The following RUSC2 variants were observed in gnomAD, a reference collection of about 807,000 sequenced individuals.
The protein encoded by RUSC2 is AP-4 complex accessory subunit RUSC2.
A neutral mutation model predicts 122.2 loss-of-function variants in RUSC2; 34 were observed. The ratio of observed to expected loss-of-function variants is 0.28; its 90% CI spans 0.21 to 0.37. The LOEUF is 0.37. Ranked by LOEUF, RUSC2 falls within the 10% of genes least tolerant of loss-of-function variation. The probability of loss-of-function intolerance (pLI) is 1.00; values close to 1 mark genes in which losing one functional copy is unlikely to be tolerated. For synonymous variants in RUSC2, 784 were observed against 790.0 expected (o/e 0.99, Z 0.13); for missense variants, 1,747 against 1,952.4 (o/e 0.89, Z 1.98).
At position 35,560,136 on chromosome 9, in the gene RUSC2, C is replaced by T. The variant is rs2131705721; in HGVS notation, c.3496C>T (p.Leu1166=). ...LLLLLQPLAL[L]PFSLDLLFQH... ...GCTGCTGCTACAGCCCCTGGCCCTG[C>T]TGCCCTTCAGCCTCGACTTGCTGTT... is the stretch of plus-strand genomic sequence containing the variant. Residue 1166 remains leucine (L), a synonymous_variant, in exon 10 of 12, where the codon CTG becomes TTG. Coordinates refer to ENST00000361226, the MANE Select transcript of RUSC2 (RefSeq NM_014806.5). The T allele has an allele frequency of 1.9e-6, 3 of 1,610,980 alleles. No homozygotes were observed. The East Asian group carries it at 6.7e-5, about 36-fold the overall frequency.
At chr9:35,508,649 C>T (rs1318719404) in intron 1 of RUSC2, among the ~76,000 whole-genome samples, 1 of 152,242 alleles carries the variant, frequency 6.6e-6, no homozygotes, top group Non-Finnish European at 1.5e-5. Context: ...AGTACAAACA[C>T]TGTCATTGCT....
At chr9:35,507,668 C>A in intron 1 of RUSC2, 1 of 231,180 alleles carries the variant, frequency 4.3e-6, no homozygotes, top group South Asian at 6.8e-5. Flanking sequence ...CTCTGTGTGT[C>A]TAGGGAAAGC....
intron 9 of RUSC2, among the ~76,000 whole-genome samples, chr9:35,559,501 G>A (rs1303232497): frequency 1.3e-5 from 2 of 152,136 alleles, no homozygotes; most frequent in African/African-American, 2.4e-5. Flanking sequence ...TTGGGAGGCC[G>A]AGGCACGTGG....
Position 35,561,430 on chromosome 9 carries a change from TCAGAGCCC to T in RUSC2, c.*49_*56del. Reference sequence around the variant, plus strand: ...TCAGGGACCCTCATAACCCCCAGACTCAGAGCCCGAGAGCCCTTCCCAAGCCATTGGCT... The same window carrying T: ...TCAGGGACCCTCATAACCCCCAGACTGAGAGCCCTTCCCAAGCCATTGGCT... On this transcript the variant is annotated 3_prime_UTR_variant, in exon 12 of 12. Transcript: ENST00000361226. 1 of 1,496,156 alleles carries T rather than the reference TCAGAGCCC, an allele frequency of 6.7e-7. No homozygotes were observed. The highest frequency in any genetic ancestry group is 1.3e-5 in the South Asian group (1 of 78,728). The allele number at this position is 1,496,156 out of a possible 1,614,324, so 92.7% of individuals were successfully genotyped here.
chr9:35,541,505 G>C (rs529860500), intron 1 of RUSC2, among the ~76,000 whole-genome samples: 30 of 151,900 alleles, frequency 2.0e-4, no homozygotes, highest in African/African-American at 7.0e-4. Context: ...GGAGTGCAGT[G>C]GCACGATCTC....
intron 1 of RUSC2, among the ~76,000 whole-genome samples, chr9:35,532,682 G>C (rs1587852814): frequency 6.6e-6 from 1 of 151,616 alleles, no homozygotes; most frequent in Non-Finnish European, 1.5e-5. Context: ...GGAGGTGGAG[G>C]TTACAGTGAG....
intron 1 of RUSC2, among the ~76,000 whole-genome samples, chr9:35,537,993 G>A (rs1239680404): frequency 6.6e-6 from 1 of 152,192 alleles, no homozygotes; most frequent in Non-Finnish European, 1.5e-5. Flanking sequence ...GAGCAGGGAA[G>A]GAGCAGAGGA....
In RUSC2 at chr9:35,555,515, G is replaced by A; in HGVS notation, c.2470G>A (p.Ala824Thr). Residue 824 changes from alanine (A) to threonine (T), a missense_variant, in exon 3 of 12, where the codon GCT (alanine) becomes ACT (threonine). Physicochemically the swap from Ala to Thr is moderately conservative, Grantham distance 58. Coordinates refer to ENST00000361226, the MANE Select transcript of RUSC2 (RefSeq NM_014806.5). The surrounding 1 kb of genome is among the most constrained non-coding windows in gnomAD (Gnocchi z 4.6). ...CCCATGGAGCCACTCCTGTCCTTCT[G>A]CTGTCCGGCCTGCCACCTCCCAGCA... ...LPPWSHSCPS[A>T]VRPATSQQPQ... The A allele has an allele frequency of 1.2e-6, 2 of 1,614,206 alleles. No individual in the cohort carries two copies. Among genetic ancestry groups the A allele is most frequent in the Non-Finnish European group, 8.5e-7 (1 of 1,180,032 alleles).
intron 1 of RUSC2, among the ~76,000 whole-genome samples, chr9:35,492,815 G>A (rs1017190187): frequency 3.9e-5 from 6 of 151,924 alleles, no homozygotes; most frequent in African/African-American, 9.7e-5. Flanking sequence ...CTCTGTACCA[G>A]TAAGATGCTA....
At chr9:35,524,421 TTATC>T (rs1258648461) in intron 1 of RUSC2, among the ~76,000 whole-genome samples, 1 of 152,234 alleles carries the variant, frequency 6.6e-6, no homozygotes, top group Non-Finnish European at 1.5e-5. Context: ...AACAGGTTAT[TTATC>T]TAATCTAAAA....
chr9:35,556,297 CTT>C lies in RUSC2; in HGVS notation c.2843-10_2843-9del, dbSNP rs774390386. The C allele has an allele frequency of 7.0e-5, 113 of 1,613,450 alleles. No homozygotes were observed. The highest frequency in any genetic ancestry group is 9.3e-5 in the Non-Finnish European group (110 of 1,179,722). On this transcript the variant is annotated splice_polypyrimidine_tract_variant and intron_variant, in intron 4 of 11. Transcript: ENST00000361226. Reference sequence around the variant, plus strand: ...AGAGTTGCTCAGGATTGATTTTTCTCTTCTTTCCAGGCCAAGCAGTGAAGCCG... The same window carrying C: ...AGAGTTGCTCAGGATTGATTTTTCTCCTTTCCAGGCCAAGCAGTGAAGCCG...
At chr9:35,509,393 T>C (rs575195988) in intron 1 of RUSC2, among the ~76,000 whole-genome samples, 6 of 152,338 alleles carry the variant, frequency 3.9e-5, no homozygotes, top group African/African-American at 1.4e-4. Flanking sequence ...CATGGAAGAC[T>C]TGCTTCTACT....
chr9:35,494,928 T>C (rs1272677923), intron 1 of RUSC2, among the ~76,000 whole-genome samples: 2 of 131,576 alleles, frequency 1.5e-5, no homozygotes, highest in Non-Finnish European at 3.1e-5. Context: ...ACATATTATA[T>C]AAAATTTATA....
At chr9:35,496,120 G>A (rs1001175212) in intron 1 of RUSC2, among the ~76,000 whole-genome samples, 3 of 152,116 alleles carry the variant, frequency 2.0e-5, no homozygotes, top group African/African-American at 7.2e-5. Context: ...CAGTGGAGGA[G>A]GAGGGCTTAG....
chr9:35,493,040 T>C (rs1284903299), intron 1 of RUSC2, among the ~76,000 whole-genome samples: 1 of 152,162 alleles, frequency 6.6e-6, no homozygotes, highest in Admixed American at 6.5e-5. Context: ...GTTTGTTATA[T>C]AGATAAACTC....
chr9:35,490,602 G>T, intron 1 of RUSC2, among the ~76,000 whole-genome samples: 1 of 152,044 alleles, frequency 6.6e-6, no homozygotes, highest in East Asian at 1.9e-4. Flanking sequence ...CCAGGCCGGC[G>T]ACTGCAGCGG....
At chr9:35,510,831 C>T (rs990093725) in intron 1 of RUSC2, among the ~76,000 whole-genome samples, 12 of 152,234 alleles carry the variant, frequency 7.9e-5, no homozygotes, top group Admixed American at 2.6e-4. Context: ...GGCTTGATGC[C>T]AGATGGGCTG....
chr9:35,522,330 T>C (rs1349378805), intron 1 of RUSC2, among the ~76,000 whole-genome samples: 1 of 152,244 alleles, frequency 6.6e-6, no homozygotes. Context: ...CTATGGTCAG[T>C]TCTGCCTTTG....
chr9:35,547,841 C>A lies in RUSC2; in HGVS notation c.1320C>A (p.Ser440Arg). Residue 440 changes from serine (S) to arginine (R), a missense_variant, in exon 2 of 12, where the codon AGC becomes AGA. Transcript: ENST00000361226. The surrounding 1 kb of genome is among the most constrained non-coding windows in gnomAD (Gnocchi z 4.6). ...GCCCTGGCCCAGACCCAGGCCCCAG[C>A]CAGCCCTCTGAGTATTACCTATTCC... ...PPGPGPDPGPSQPSEYYLFQK... is the reference protein window; with the variant it reads ...PPGPGPDPGPRQPSEYYLFQK... 1 of 1,614,226 alleles carries A rather than the reference C, an allele frequency of 6.2e-7. No individual in the cohort carries two copies. The highest frequency in any genetic ancestry group is 8.5e-7 in the Non-Finnish European group (1 of 1,180,040).
Sources: gnomAD v4.1 joint callset for allele counts (sites outside exome capture counted in the v4.1 genomes callset) on GRCh38, gnomAD v4.1.1 for gene constraint, Gnocchi (gnomAD v3.1) non-coding constraint, MANE v1.5 for transcripts, NCBI Gene and HGNC (gene_info 2026-07-23, HGNC 2026-07-21) for gene names.